DUOX2: variants seen among roughly 807,000 people sequenced by gnomAD.
DUOX2 encodes the protein NADH/NADPH thyroid oxidase p138-tox.
DUOX2 carries 185 observed loss-of-function variants against 183.3 expected under a neutral mutation model. The observed-to-expected ratio is 1.01, with a 90% confidence interval of 0.90 to 1.14. DUOX2 has a LOEUF of 1.14. Ranked by LOEUF, DUOX2 falls within the 50% of genes most tolerant of loss-of-function variation. The pLI is 0.00. For synonymous variants in DUOX2, 788 were observed against 812.4 expected (o/e 0.97, Z 0.51); for missense variants, 1,999 against 2,022.9 (o/e 0.99, Z 0.23).
At chr15:45,109,088 A>G in intron 11 of DUOX2, 136 bp from the exon 12 acceptor site, 1 of 1,199,254 alleles carries the variant, frequency 8.3e-7, no homozygotes, top group South Asian at 1.3e-5. Context: ...ATCTGTGCCC[A>G]TGCTGACCTT....
chr15:45,095,621 T>C (rs1478790260), intron 30 of DUOX2, 26 bp from the exon 31 acceptor site: 2 of 1,613,912 alleles, frequency 1.2e-6, no homozygotes, highest in African/African-American at 2.7e-5. Flanking sequence ...GGAGATGAAA[T>C]GAGCCTGACC....
At position 45,111,887 on chromosome 15, in the gene DUOX2, G is replaced by C. The variant is rs748489574; in HGVS notation, c.394C>G (p.Arg132Gly). ...AACACGGGGTCTCCAGGTGGGATGC[G>C]GATGTTGAGGAACTCGGCGGGGCAA... The part of the protein sequence containing the change: ...PGCPAEFLNI[R>G]IPPGDPVFDP... The change falls in exon 5 of 34, where the codon CGC becomes GGC. Residue 132 changes from arginine (R) to glycine (G), a missense_variant. This residue lies in a region of DUOX2 where 356 missense variants were observed against 356.4 expected (regional missense o/e 1.00). Transcript: ENST00000389039. The C allele has an allele frequency of 2.4e-5, 39 of 1,613,788 alleles. No individual in the cohort carries two copies. Among genetic ancestry groups the C allele is most frequent in the Non-Finnish European group, 3.2e-5 (38 of 1,180,026 alleles).
chr15:45,111,738 G>T (rs776841138), intron 5 of DUOX2, 30 bp downstream of exon 5: 8 of 1,524,392 alleles, frequency 5.2e-6, no homozygotes, highest in South Asian at 2.5e-5. Flanking sequence ...GCTGGGGTGC[G>T]GTCCCTTCCC....
rs1566972553 is a variant in DUOX2, at chr15:45,099,417, C to G, written c.3481G>C (p.Ala1161Pro). The change falls in exon 26 of 34, where the codon GCC becomes CCC. Residue 1161 changes from alanine to proline, a missense_variant. Coordinates refer to ENST00000389039, the MANE Select transcript of DUOX2 (RefSeq NM_001363711.2). The part of the protein sequence containing the change: ...IFSVSPLSLL[A>P]CIFPNVFVND... ...ACAAAGACGTTGGGGAATATGCAGG[C>G]CAGCAGGCTGAGTGGGCTGACTGAG... 1 of 1,614,134 alleles carries G rather than the reference C, an allele frequency of 6.2e-7. No homozygotes were observed. The highest frequency in any genetic ancestry group is 2.2e-5 in the East Asian group (1 of 44,878).
chr15:45,095,630 C>T, intron 30 of DUOX2, 35 bp from the exon 31 acceptor site: 1 of 1,614,086 alleles, frequency 6.2e-7, no homozygotes, highest in Non-Finnish European at 8.5e-7. Flanking sequence ...ATGAGCCTGA[C>T]CCTGCCCCAG....
intron 18 of DUOX2, among the ~76,000 whole-genome samples, chr15:45,105,258 C>T (rs1012815995): frequency 1.3e-5 from 2 of 152,218 alleles, no homozygotes; most frequent in Admixed American, 6.5e-5. Flanking sequence ...CCAGGCCCCA[C>T]CCACAGAGTT....
In DUOX2 at chr15:45,106,844, A is replaced by C; in HGVS notation, c.1819T>G (p.Cys607Gly). Residue 607 changes from cysteine to glycine, a missense_variant, in exon 15 of 34, where the codon TGC (cysteine) becomes GGC (glycine). Physicochemically the swap from Cys to Gly is radical, Grantham distance 159 (BLOSUM62 -3). Coordinates refer to ENST00000389039, the MANE Select transcript of DUOX2 (RefSeq NM_001363711.2). ...CCTAAGAGCTCACCTAAGGGAAGGC[A>C]GCAGAGAGCAATGATGGTGATGGCA... ...GFAITIIALC[C>G]LPLVSLLLSG... 6.3e-7 allele frequency: 1 copy of C among 1,594,462 alleles called. No homozygotes were observed. The highest frequency in any genetic ancestry group is 8.5e-7 in the Non-Finnish European group (1 of 1,171,354).
intron 26 of DUOX2, chr15:45,098,929 C>T (rs1893977112): frequency 4.8e-6 from 1 of 207,644 alleles, no homozygotes; most frequent in Non-Finnish European, 9.8e-6. Context: ...GTCTGGAACT[C>T]CTGGCCTCAA....
At position 45,093,799 on chromosome 15, in the gene DUOX2, C is replaced by A; in HGVS notation, c.*351G>T. On this transcript the variant is annotated 3_prime_UTR_variant, in exon 34 of 34. Transcript: ENST00000389039. ...TCTCCTCCCCACTTTGCTTGCCACG[C>A]CTGCCATGGCTTGAGCTGGGGTGAG... is the stretch of plus-strand genomic sequence containing the variant. The A allele has an allele frequency of 3.2e-6, 1 of 314,982 alleles. No individual in the cohort carries two copies. The highest frequency in any genetic ancestry group is 6.2e-6 in the Non-Finnish European group (1 of 161,646). The allele number at this position is 314,982 out of a possible 1,614,324, so 19.5% of individuals were successfully genotyped here. A position where few individuals can be genotyped will look rare whatever the true frequency, so the allele number is the denominator to read the frequency against.
In DUOX2 at chr15:45,106,133, A is replaced by G. The variant is rs747686917; in HGVS notation, c.2140T>C (p.Tyr714His). The stretch of plus-strand genomic sequence containing the variant: ...GGCAGGACGAGCCATACCAGGTCAT[A>G]CTCCTTAGGGATCTTGAGCAGCAGG... ...RTLLLKIPKEYDLVLLFSSEE... is the reference protein window; with the variant it reads ...RTLLLKIPKEHDLVLLFSSEE... Residue 714 changes from tyrosine (Y) to histidine (H), a missense_variant, in exon 17 of 34, where the codon TAT becomes CAT. Physicochemically the swap from Tyr to His is moderately conservative, Grantham distance 83. Around this residue, in one of 3 missense-constraint regions of DUOX2, gnomAD observed 1,628 missense variants for 1,608.6 expected, o/e 1.01. Transcript: ENST00000389039. The G allele has an allele frequency of 1.9e-6, 3 of 1,613,934 alleles. No individual in the cohort carries two copies. In the East Asian group the frequency reaches 6.7e-5, roughly 36 times the overall value.
In DUOX2 at chr15:45,095,061, G is replaced by A. The variant is rs769909588; in HGVS notation, c.4270C>T (p.Arg1424Cys). The stretch of plus-strand genomic sequence containing the variant: ...ATGTCAGCCAGCCACTCAAACTGAC[G>A]CTGGGTCCGTGTCACCCAGATGAAG... ...IYFIWVTRTQ[R>C]QFEWLADIIQ... Residue 1424 changes from arginine to cysteine, a missense_variant, in exon 32 of 34, where the codon CGT (arginine) becomes TGT (cysteine). Physicochemically the swap from Arg to Cys is radical, Grantham distance 180 (BLOSUM62 -3). Transcript: ENST00000389039. 8.1e-6 allele frequency: 13 copies of A among 1,614,052 alleles called. No individual in the cohort carries two copies. The highest frequency in any genetic ancestry group is 1.1e-5 in the South Asian group (1 of 91,078).
Position 45,100,796 on chromosome 15 carries a change from T to A in DUOX2, c.2964A>T (p.Pro988=). The A allele has an allele frequency of 6.2e-7, 1 of 1,613,836 alleles. No individual in the cohort carries two copies. Among genetic ancestry groups the A allele is most frequent in the Admixed American group, 1.7e-5 (1 of 60,022 alleles). Residue 988 remains proline, a synonymous_variant, in exon 23 of 34, where the codon CCA becomes CCT. Coordinates refer to ENST00000389039, the MANE Select transcript of DUOX2 (RefSeq NM_001363711.2). Reference sequence around the variant, plus strand: ...TCTTCAGTCCAGGGCCTCCCAGCTCTGGGGCTTCTGGGGCAGGGGGCCCCA... The same window carrying A: ...TCTTCAGTCCAGGGCCTCCCAGCTCAGGGGCTTCTGGGGCAGGGGGCCCCA... ...QGLGPPAPEA[P]ELGGPGLKKR... is the part of the protein sequence containing the mutation.
intron 9 of DUOX2, 66 bp downstream of exon 9, chr15:45,110,362 C>A: frequency 6.8e-7 from 1 of 1,466,036 alleles, no homozygotes; most frequent in Non-Finnish European, 9.2e-7. Context: ...AAGGCCCCAG[C>A]CCCCAAGGCA....
At chr15:45,103,562 G>T (rs269864) in intron 20 of DUOX2, among the ~76,000 whole-genome samples, 151,294 of 152,362 alleles carry the variant, frequency 0.99, 75,127 homozygotes, top group Middle Eastern at 1. Context: ...GTGATGAATA[G>T]CGGAGCAGCA....
intron 4 of DUOX2, 38 bp downstream of exon 4, chr15:45,112,516 G>A: frequency 6.2e-7 from 1 of 1,605,552 alleles, no homozygotes; most frequent in Non-Finnish European, 8.5e-7. Flanking sequence ...TGAGCAGAGC[G>A]CCAGATCAAC....
rs768650699 is a variant in DUOX2 at position 45,097,746 on chromosome 15, G to C, written c.3566-5C>G. 1.2e-6 allele frequency: 2 copies of C among 1,614,204 alleles called. No individual in the cohort carries two copies. The highest frequency in any genetic ancestry group is 8.5e-7 in the Non-Finnish European group (1 of 1,180,022). Reference sequence around the variant, plus strand: ...GCAGAAGCACACCTGTCATACCTGGGGGCAGGAAGACAGGGCCAGTGAGTA... The same window carrying C: ...GCAGAAGCACACCTGTCATACCTGGCGGCAGGAAGACAGGGCCAGTGAGTA... On this transcript the variant is annotated splice_polypyrimidine_tract_variant and splice_region_variant and intron_variant, in intron 27 of 33. Transcript: ENST00000389039.
At chr15:45,107,057 G>A in intron 14 of DUOX2, 88 bp from the exon 15 acceptor site, 1 of 1,533,890 alleles carries the variant, frequency 6.5e-7, no homozygotes, top group South Asian at 1.2e-5. Context: ...AAAGGACCAA[G>A]GTATCATCTG....
At position 45,092,798 on chromosome 15, in the gene DUOX2, C is replaced by G. The variant is rs903025021; in HGVS notation, c.*1352G>C. The G allele has an allele frequency of 6.6e-6, 1 of 152,204 alleles. No individual in the cohort carries two copies. The highest frequency in any genetic ancestry group is 1.9e-4 in the East Asian group (1 of 5,206). The allele number at this position is 152,204 out of a possible 1,614,324, so 9.4% of individuals were successfully genotyped here. A position where few individuals can be genotyped will look rare whatever the true frequency, so the allele number is the denominator to read the frequency against. On this transcript the variant is annotated 3_prime_UTR_variant, in exon 34 of 34. Transcript: ENST00000389039. Reference sequence around the variant, plus strand: ...AATGAAAAGGAACAAACTGCTGATACACACAACAGCATGGATGAATTACAA... The same window carrying G: ...AATGAAAAGGAACAAACTGCTGATAGACACAACAGCATGGATGAATTACAA...
chr15:45,111,619 G>A (rs2576085), intron 5 of DUOX2, 34 bp from the exon 6 acceptor site: 29 of 1,492,756 alleles, frequency 1.9e-5, no homozygotes, highest in Admixed American at 6.7e-5. Flanking sequence ...CCCGGGTCGA[G>A]AGGCGGCGGC....
Sources: allele counts gnomAD v4.1 joint callset (sites outside exome capture counted in the v4.1 genomes callset), GRCh38; gene constraint gnomAD v4.1.1; regional missense constraint gnomAD v4.1.1; transcripts MANE v1.5; gene names NCBI Gene and HGNC (gene_info 2026-07-23, HGNC 2026-07-21).